CISH: variants seen among roughly 807,000 people sequenced by gnomAD.
CISH encodes the protein cytokine inducible SH2 containing protein.
A neutral mutation model predicts 21.3 loss-of-function variants in CISH; 11 were observed. The ratio of observed to expected loss-of-function variants is 0.52; its 90% CI spans 0.32 to 0.85. CISH has a LOEUF of 0.85. Among genes scored for constraint, CISH ranks in the 40% least tolerant of loss-of-function variants. The pLI is 0.03. For synonymous variants in CISH, 118 were observed against 142.3 expected, an observed-to-expected ratio of 0.83 and a Z score of 1.22; for missense variants, 280 against 351.7, an observed-to-expected ratio of 0.80 and a Z score of 1.63.
In CISH at chr3:50,608,398, C is replaced by G. The variant is rs2032223336; in HGVS notation, c.216G>C (p.Lys72Asn). The G allele has an allele frequency of 6.2e-7, 1 of 1,610,500 alleles. No individual in the cohort carries two copies. Among genetic ancestry groups the G allele is most frequent in the African/African-American group, 1.3e-5 (1 of 74,824 alleles). The part of the protein sequence containing the change: ...DPEEDLLCIA[K>N]TFSYLRESGW... ...CAGATTCCCGAAGGTAGGAGAAGGT[C>G]TTGGCTATGCACAGCAGATCCTCCT... is the stretch of plus-strand genomic sequence containing the variant. The change falls in exon 2 of 3, where the codon AAG becomes AAC. Residue 72 changes from lysine (K) to asparagine (N), a missense_variant. Lys to Asn is a moderately conservative substitution (Grantham distance 94). Coordinates refer to ENST00000348721, the MANE Select transcript of CISH (RefSeq NM_145071.4).
chr3:50,611,411 GC>G, intron 1 of CISH: 2 of 1,360,526 alleles, frequency 1.5e-6, no homozygotes, highest in Non-Finnish European at 1.9e-6. Context: ...TAGCCGGCCA[GC>G]CCCCGGTTTC....
At position 50,607,550 on chromosome 3, in the gene CISH, G is replaced by C; in HGVS notation, c.*57C>G. The C allele has an allele frequency of 6.5e-7, 1 of 1,539,400 alleles. No homozygotes were observed. Among genetic ancestry groups the C allele is most frequent in the South Asian group, 1.2e-5 (1 of 81,420 alleles). Reference sequence around the variant, plus strand: ...ACAGTGGGGGCCCAAGTCCAGCTGGGGCTGATGTCCCCTCCAGGGTGCGAC... The same window carrying C: ...ACAGTGGGGGCCCAAGTCCAGCTGGCGCTGATGTCCCCTCCAGGGTGCGAC... On this transcript the variant is annotated 3_prime_UTR_variant, in exon 3 of 3. Coordinates refer to ENST00000348721, the MANE Select transcript of CISH (RefSeq NM_145071.4).
At chr3:50,609,564 G>C (rs1031566123) in intron 1 of CISH, 1 of 152,212 alleles carries the variant, frequency 6.6e-6, no homozygotes, top group African/African-American at 2.4e-5. Context: ...CCACCCAGCA[G>C]GGTGATACTA....
chr3:50,608,406 T>C lies in CISH; in HGVS notation c.208A>G (p.Ile70Val), dbSNP rs991020460. The change falls in exon 2 of 3, where the codon ATA (isoleucine) becomes GTA (valine). Residue 70 changes from isoleucine to valine, a missense_variant. Coordinates refer to ENST00000348721, the MANE Select transcript of CISH (RefSeq NM_145071.4). ...VLDPEEDLLC[I>V]AKTFSYLRES... ...CGAAGGTAGGAGAAGGTCTTGGCTA[T>C]GCACAGCAGATCCTCCTCTGGGTCC... is the stretch of plus-strand genomic sequence containing the variant. 4.3e-6 allele frequency: 7 copies of C among 1,612,712 alleles called. No homozygotes were observed. The highest frequency in any genetic ancestry group is 1.7e-4 in the Middle Eastern group (1 of 6,052).
chr3:50,611,187 T>C, intron 1 of CISH: 1 of 1,012,866 alleles, frequency 9.9e-7, no homozygotes, highest in African/African-American at 1.7e-5. Flanking sequence ...GCCTACTTGC[T>C]AGCCTGGGGC....
At chr3:50,608,757 G>T in intron 1 of CISH, 164 bp from the exon 2 acceptor site, 1 of 443,840 alleles carries the variant, frequency 2.3e-6, no homozygotes. Context: ...CCAGTATCTC[G>T]TTCCCCACTT....
Position 50,607,914 on chromosome 3 carries a change from A to G in CISH, c.470T>C (p.Val157Ala). 1 of 1,613,844 alleles carries G rather than the reference A, an allele frequency of 6.2e-7. No homozygotes were observed. The highest frequency in any genetic ancestry group is 8.5e-7 in the Non-Finnish European group (1 of 1,180,008). The stretch of plus-strand genomic sequence containing the variant: ...GGCCACATAGTGCTGCACAAGGCTG[A>G]CCACATCCGGAAAGGCCAGGATGCG... Reference protein sequence around the residue: ...RPRILAFPDVVSLVQHYVASC... With the variant: ...RPRILAFPDVASLVQHYVASC... The change falls in exon 3 of 3, where the codon GTC becomes GCC. Residue 157 changes from valine (V) to alanine (A), a missense_variant. Physicochemically the swap from Val to Ala is moderately conservative, Grantham distance 64. Transcript: ENST00000348721.
intron 1 of CISH, 66 bp from the exon 2 acceptor site, chr3:50,608,659 A>G (rs1035093753): frequency 2.2e-5 from 26 of 1,199,580 alleles, no homozygotes; most frequent in Middle Eastern, 5.7e-4. Context: ...AGACCCCCCT[A>G]TGCCCCAGAC....
Position 50,611,638 on chromosome 3 carries a change from C to T in CISH, c.13G>A (p.Val5Ile). 6.6e-7 allele frequency: 1 copy of T among 1,506,840 alleles called. No individual in the cohort carries two copies. Among genetic ancestry groups the T allele is most frequent in the African/African-American group, 1.4e-5 (1 of 69,030 alleles). 93.3% of individuals were successfully genotyped at this position (1,506,840 alleles called of 1,614,324 possible). ...GCAGAGAGCCGCGCTTACCCCTGAA[C>T]GCAGAGGACCATGTCCCCGCGGCAG... MVLC[V>I]QGPRPLLAVE... The change falls in exon 1 of 3, where the codon GTT becomes ATT. Residue 5 changes from valine to isoleucine, a missense_variant. By Grantham distance (29) the Val-to-Ile change is conservative. Transcript: ENST00000348721.
chr3:50,610,909 G>A, intron 1 of CISH: 2 of 1,018,346 alleles, frequency 2.0e-6, no homozygotes, highest in South Asian at 3.9e-5. Flanking sequence ...TGGATGGCCA[G>A]GAATGCTCAG....
rs775787307 is a variant in CISH, at chr3:50,607,923, G to A, written c.461C>T (p.Pro154Leu). 26 of 1,613,792 alleles carry A rather than the reference G, an allele frequency of 1.6e-5. No individual in the cohort carries two copies. The highest frequency in any genetic ancestry group is 1.6e-4 in the Middle Eastern group (1 of 6,084). Residue 154 changes from proline to leucine, a missense_variant, in exon 3 of 3, where the codon CCG (proline) becomes CTG (leucine). Transcript: ENST00000348721. ...GTGCTGCACAAGGCTGACCACATCC[G>A]GAAAGGCCAGGATGCGTGGCCTGGA... ...CLSRPRILAF[P>L]DVVSLVQHYV...
At position 50,608,054 on chromosome 3, in the gene CISH, CG is replaced by C. The variant is rs1559477994; in HGVS notation, c.329del (p.Thr110SerfsTer11). 1.2e-5 allele frequency: 19 copies of C among 1,613,660 alleles called. No individual in the cohort carries two copies. Among genetic ancestry groups the C allele is most frequent in the Non-Finnish European group, 1.5e-5 (18 of 1,179,952 alleles). ...PEGTFLVRDSTHPSYLFTLSV... is the reference protein window; with the variant it reads ...PEGTFLVRDSXHPSYLFTLSV... ...ACAGCGTGAACAGGTAGCTGGGGTG[CG>C]TGCTGTCACGTACTAAGAACGTGCC... On this transcript the variant is annotated frameshift_variant, in exon 3 of 3. Coordinates refer to ENST00000348721, the MANE Select transcript of CISH (RefSeq NM_145071.4). LOFTEE classifies it high-confidence loss of function.
chr3:50,608,577 C>G lies in CISH; in HGVS notation c.37G>C (p.Ala13Pro), dbSNP rs368039402. 6.5e-7 allele frequency: 1 copy of G among 1,537,602 alleles called. No individual in the cohort carries two copies. The highest frequency in any genetic ancestry group is 8.7e-7 in the Non-Finnish European group (1 of 1,146,082). ...LCVQGPRPLL[A>P]VERTGQRPLW... ...GGCCGCTGCCCAGTCCGCTCCACAGCCAGCAAAGGACGAGGTCTAGAAGGC... is the reference window on the plus strand; with the variant it reads ...GGCCGCTGCCCAGTCCGCTCCACAGGCAGCAAAGGACGAGGTCTAGAAGGC... Residue 13 changes from alanine (A) to proline (P), a missense_variant, in exon 2 of 3, where the codon GCT (alanine) becomes CCT (proline). Coordinates refer to ENST00000348721, the MANE Select transcript of CISH (RefSeq NM_145071.4).
At position 50,610,941 on chromosome 3, in the gene CISH, A is replaced by G. The variant is rs550230319; in HGVS notation, c.20+690T>C. On this transcript the variant is annotated intron_variant, in intron 1 of 2. Coordinates refer to ENST00000348721, the MANE Select transcript of CISH (RefSeq NM_145071.4). ...TCAGCTCAGGTCAAGACTCTGTCTT[A>G]TCAGCATCCCCTCTCCACTGTCCCT... The G allele has an allele frequency of 1.5e-4, 150 of 1,002,102 alleles. 2 individuals are homozygous for G. In the South Asian group the frequency reaches 5.8e-3, roughly 39 times the overall value. The allele number at this position is 1,002,102 out of a possible 1,614,324, so 62.1% of individuals were successfully genotyped here.
rs201896056 is a variant in CISH, at chr3:50,608,480, T to C, written c.134A>G (p.Glu45Gly). ...CTGGGCTGGGGTACCCTCTGCCACCTCCTCGAGGAAGGCCCCAGCAGGCAA... is the reference window on the plus strand; with the variant it reads ...CTGGGCTGGGGTACCCTCTGCCACCCCCTCGAGGAAGGCCCCAGCAGGCAA... ...QPLPAGAFLE[E>G]VAEGTPAQTE... is the part of the protein sequence containing the mutation. The change falls in exon 2 of 3, where the codon GAG becomes GGG. Residue 45 changes from glutamate to glycine, a missense_variant. Coordinates refer to ENST00000348721, the MANE Select transcript of CISH (RefSeq NM_145071.4). The C allele has an allele frequency of 6.9e-5, 112 of 1,613,276 alleles. No homozygotes were observed. In the East Asian group the frequency reaches 1.6e-3, roughly 23 times the overall value.
chr3:50,610,840 A>T, intron 1 of CISH: 1 of 1,078,792 alleles, frequency 9.3e-7, no homozygotes, highest in Non-Finnish European at 1.1e-6. Context: ...CTCCTGTCAC[A>T]TCACCATGGC....
rs114348620 is a variant in CISH at position 50,608,629 on chromosome 3, C to T, written c.21-36G>A. On this transcript the variant is annotated intron_variant, in intron 1 of 2. Coordinates refer to ENST00000348721, the MANE Select transcript of CISH (RefSeq NM_145071.4). ...GTGGATGAGCAGTGAGTGGAGGACC[C>T]ATGCTTCCCCCATCTCCAGAGACCC... 1,786 of 1,383,030 alleles carry T rather than the reference C, an allele frequency of 1.3e-3. 24 individuals carry two copies. The African/African-American group carries it at 0.023, about 18-fold the overall frequency. 85.7% of individuals were successfully genotyped at this position (1,383,030 alleles called of 1,614,324 possible). A position where few individuals can be genotyped will look rare whatever the true frequency, so the allele number is the denominator to read the frequency against.
chr3:50,608,373 C>T lies in CISH; in HGVS notation c.241G>A (p.Gly81Ser). 1.3e-6 allele frequency: 2 copies of T among 1,596,918 alleles called. No individual in the cohort carries two copies. Among genetic ancestry groups the T allele is most frequent in the Non-Finnish European group, 1.7e-6 (2 of 1,171,616 alleles). ...GGCCTGCCTCCCCCCTCAGACTCACCAGATTCCCGAAGGTAGGAGAAGGTC... is the reference window on the plus strand; with the variant it reads ...GGCCTGCCTCCCCCCTCAGACTCACTAGATTCCCGAAGGTAGGAGAAGGTC... Reference protein sequence around the residue: ...AKTFSYLRESGWYWGSITASE... With the variant: ...AKTFSYLRESSWYWGSITASE... The change falls in exon 2 of 3, where the codon GGC becomes AGC. Residue 81 changes from glycine (G) to serine (S), a missense_variant and splice_region_variant. Coordinates refer to ENST00000348721, the MANE Select transcript of CISH (RefSeq NM_145071.4).
At chr3:50,610,399 G>A (rs1417457594) in intron 1 of CISH, 30 of 1,551,602 alleles carry the variant, frequency 1.9e-5, no homozygotes, top group Non-Finnish European at 2.5e-5. Context: ...CCATGGCTGT[G>A]TCATCATCAT....
Sources: allele counts gnomAD v4.1 joint callset, GRCh38; gene constraint gnomAD v4.1.1; transcripts MANE v1.5; gene names NCBI Gene and HGNC (gene_info 2026-07-23, HGNC 2026-07-21).